Variants in CHRM3 observed in about 807,000 individuals in gnomAD.
CHRM3 encodes cholinergic receptor muscarinic 3.
Under a neutral mutation model 41.8 loss-of-function variants are expected in CHRM3, and 11 were observed. The observed-to-expected ratio is 0.26, with a 90% CI of 0.17 to 0.44. CHRM3 has a LOEUF of 0.44. Among genes scored for constraint, CHRM3 ranks in the 20% least tolerant of loss-of-function variants. The probability of loss-of-function intolerance (pLI) is 1.00; values close to 1 mark genes in which losing one functional copy is unlikely to be tolerated. For synonymous variants in CHRM3, 297 were observed against 301.4 expected (o/e 0.99, Z 0.15); for missense variants, 571 against 745.4 (o/e 0.77, Z 2.72).
intron 5 of CHRM3, among the ~76,000 whole-genome samples, chr1:239,795,954 T>G (rs1447757476): frequency 6.6e-6 from 1 of 152,212 alleles, no homozygotes; most frequent in East Asian, 1.9e-4. Context: ...ATGCTGATAT[T>G]TTTATATTGA....
In CHRM3 at chr1:239,864,194, C is replaced by G. The variant is rs149989313; in HGVS notation, c.-20+36816C>G. Among the ~76,000 whole-genome samples the G allele has an allele frequency of 1.8e-3, 280 of 152,070 alleles. 1 individual carries two copies. The highest frequency in any genetic ancestry group is 6.6e-3 in the African/African-American group (273 of 41,482). On this transcript the variant is annotated intron_variant, in intron 6 of 6. Transcript: ENST00000676153. The stretch of plus-strand genomic sequence containing the variant: ...GCAACATAGCGAGACCCTGCCCCCC[C>G]ACCAAAAAAACTCTGAAAGGTATAT...
chr1:239,643,527 G>A (rs541065456), intron 4 of CHRM3, among the ~76,000 whole-genome samples: 16 of 152,302 alleles, frequency 1.1e-4, no homozygotes, highest in Admixed American at 8.5e-4. Context: ...TCAGACTGCT[G>A]TGCTAGTAAT....
At chr1:239,481,098 A>C (rs1210218099) in intron 1 of CHRM3, among the ~76,000 whole-genome samples, 1 of 152,234 alleles carries the variant, frequency 6.6e-6, no homozygotes, top group Non-Finnish European at 1.5e-5. Context: ...TGTTAAATAG[A>C]ATGGGGTACA....
rs191724043 is a variant in CHRM3 at position 239,544,053 on chromosome 1, A to T, written c.-421-1588A>T. Among the ~76,000 whole-genome samples, 127 of 152,364 alleles carry T rather than the reference A, an allele frequency of 8.3e-4. 1 individual carries two copies. Among genetic ancestry groups the T allele is most frequent in the Admixed American group, 1.9e-3 (29 of 15,308 alleles). On this transcript the variant is annotated intron_variant, in intron 2 of 6. Coordinates refer to ENST00000676153, the MANE Select transcript of CHRM3 (RefSeq NM_001375978.1). The stretch of plus-strand genomic sequence containing the variant: ...ATTTAAAAATGTAAAAACCATTCTT[A>T]GCTCACAGGCTACACAAAAACTGGC...
intron 6 of CHRM3, among the ~76,000 whole-genome samples, chr1:239,898,847 T>C (rs180680515): frequency 3.3e-5 from 5 of 152,330 alleles, no homozygotes; most frequent in Admixed American, 3.3e-4. Context: ...CATTTTTAAA[T>C]TTTTTAAATT....
chr1:239,395,850 G>A (rs1018944220), intron 1 of CHRM3, among the ~76,000 whole-genome samples: 8 of 152,196 alleles, frequency 5.3e-5, no homozygotes, highest in African/African-American at 1.2e-4. Flanking sequence ...AGGACCAAAT[G>A]TGATCATCTT....
Position 239,404,396 on chromosome 1 carries a change from GAAAGAAAGAAAGAAAAAGAAAGAA to G in CHRM3, c.-521+17171_-521+17194del, listed in dbSNP as rs1558195424. On this transcript the variant is annotated intron_variant, in intron 1 of 6. Transcript: ENST00000676153. ...AGAAAGAAAGAAAGAAAGAAAGAAAGAAAGAAAGAAAGAAAAAGAAAGAAAGAAAGAAAGAAAGAAAGAAAGAAA... is the reference window on the plus strand; with the variant it reads ...AGAAAGAAAGAAAGAAAGAAAGAAAGAGAAAGAAAGAAAGAAAGAAAGAAA... Among the ~76,000 whole-genome samples the G allele has an allele frequency of 6.3e-3, 407 of 64,514 alleles. 18 individuals carry two copies. Among genetic ancestry groups the G allele is most frequent in the African/African-American group, 0.02 (345 of 16,960 alleles). 42.3% of individuals were successfully genotyped at this position (64,514 alleles called of 152,430 possible).
At chr1:239,777,408 A>G (rs1668176127) in intron 5 of CHRM3, among the ~76,000 whole-genome samples, 1 of 152,240 alleles carries the variant, frequency 6.6e-6, no homozygotes, top group Non-Finnish European at 1.5e-5. Flanking sequence ...AATAAGCTTA[A>G]TAACTATAAA....
chr1:239,424,063 A>AG (rs1417334713), intron 1 of CHRM3, among the ~76,000 whole-genome samples: 1 of 151,594 alleles, frequency 6.6e-6, no homozygotes, highest in African/African-American at 2.4e-5. Context: ...TCAAAAAAAA[A>AG]AAAAAAAAGA....
At chr1:239,766,061 G>T (rs952779979) in intron 5 of CHRM3, among the ~76,000 whole-genome samples, 1 of 152,008 alleles carries the variant, frequency 6.6e-6, no homozygotes, top group African/African-American at 2.4e-5. Flanking sequence ...TGATCCACCC[G>T]CCTTGGTCTC....
At chr1:239,716,680 TA>T (rs1199809710) in intron 5 of CHRM3, among the ~76,000 whole-genome samples, 3 of 151,512 alleles carry the variant, frequency 2.0e-5, no homozygotes, top group African/African-American at 7.3e-5. Context: ...CAGTGGGTCC[TA>T]AAATAGAATT....
At chr1:239,447,220 A>G (rs1664213004) in intron 1 of CHRM3, among the ~76,000 whole-genome samples, 1 of 152,060 alleles carries the variant, frequency 6.6e-6, no homozygotes, top group Non-Finnish European at 1.5e-5. Flanking sequence ...CTGGAAGTAT[A>G]TTTTTCTTTT....
chr1:239,831,500 A>G (rs1672893892), intron 6 of CHRM3, among the ~76,000 whole-genome samples: 1 of 152,180 alleles, frequency 6.6e-6, no homozygotes. Flanking sequence ...AGACCCTATC[A>G]TGGTAAGTAT....
At chr1:239,713,922 G>A (rs1309469766) in intron 5 of CHRM3, among the ~76,000 whole-genome samples, 1 of 152,128 alleles carries the variant, frequency 6.6e-6, no homozygotes. Context: ...CCTCTTTAAG[G>A]TTTTAAGCCC....
intron 4 of CHRM3, among the ~76,000 whole-genome samples, chr1:239,659,613 T>G (rs916593873): frequency 6.6e-6 from 1 of 152,242 alleles, no homozygotes; most frequent in African/African-American, 2.4e-5. Context: ...TTTAATTCTT[T>G]GTCTTTAATT....
intron 1 of CHRM3, among the ~76,000 whole-genome samples, chr1:239,427,390 A>G (rs896366123): frequency 5.3e-5 from 8 of 152,162 alleles, no homozygotes; most frequent in African/African-American, 1.9e-4. Flanking sequence ...GTAGAGATGC[A>G]GGAGCTAAAT....
intron 5 of CHRM3, among the ~76,000 whole-genome samples, chr1:239,756,069 A>G (rs943479666): frequency 1.3e-5 from 2 of 152,192 alleles, no homozygotes; most frequent in Admixed American, 1.3e-4. Flanking sequence ...CTAGTTTCCT[A>G]AGCTTCCCCA....
intron 4 of CHRM3, among the ~76,000 whole-genome samples, chr1:239,632,524 C>G (rs1210029540): frequency 1.3e-5 from 2 of 152,082 alleles, no homozygotes; most frequent in African/African-American, 4.8e-5. Flanking sequence ...AATAAGTTAA[C>G]TTTATTTCAA....
chr1:239,773,809 G>C (rs1667877866), intron 5 of CHRM3, among the ~76,000 whole-genome samples: 1 of 152,154 alleles, frequency 6.6e-6, no homozygotes, highest in Non-Finnish European at 1.5e-5. Context: ...AAAGGAATCT[G>C]CATGTTACCT....
Sources: allele counts gnomAD v4.1 joint callset (sites outside exome capture counted in the v4.1 genomes callset), GRCh38; gene constraint gnomAD v4.1.1; transcripts MANE v1.5; gene names NCBI Gene and HGNC (gene_info 2026-07-23, HGNC 2026-07-21).